Variants in PAN3 observed in about 807,000 individuals in gnomAD.
The protein encoded by PAN3 is PAN2-PAN3 deadenylation complex subunit PAN3.
Under a neutral mutation model 96.2 loss-of-function variants are expected in PAN3, and 19 were observed. That is an observed-to-expected ratio of 0.20 (90% confidence interval 0.14 to 0.29). The LOEUF is 0.29. Ranked by LOEUF, PAN3 falls within the 10% of genes least tolerant of loss-of-function variation. PAN3 has a pLI of 1.00. For missense variants in PAN3, 882 were observed against 1,108.1 expected, an observed-to-expected ratio of 0.80 and a Z score of 2.90; for synonymous variants, 433 against 406.6, an observed-to-expected ratio of 1.06 and a Z score of -0.78.
At chr13:28,195,382 C>T (rs953510112) in intron 4 of PAN3, among the ~76,000 whole-genome samples, 2 of 151,928 alleles carry the variant, frequency 1.3e-5, no homozygotes, top group African/African-American at 2.4e-5. Context: ...CCAGCCTGGG[C>T]GACAGAATGA....
intron 5 of PAN3, chr13:28,214,891 G>C: frequency 1.1e-6 from 1 of 905,890 alleles, no homozygotes; most frequent in Non-Finnish European, 1.8e-6. Context: ...ATTGAAGCTA[G>C]TAGCTCCAAG....
chr13:28,277,175 A>G, intron 14 of PAN3, 62 bp from the exon 15 acceptor site: 1 of 1,465,806 alleles, frequency 6.8e-7, no homozygotes, highest in Non-Finnish European at 9.3e-7. Flanking sequence ...CAGTAGTGTC[A>G]GTGTATTAAA....
chr13:28,151,349 A>G (rs1012051638), intron 1 of PAN3, among the ~76,000 whole-genome samples: 1 of 152,058 alleles, frequency 6.6e-6, no homozygotes, highest in Non-Finnish European at 1.5e-5. Context: ...CCCCATCTCT[A>G]CTAAAAATAC....
chr13:28,266,485 A>G (rs1436740763), intron 9 of PAN3, among the ~76,000 whole-genome samples: 1 of 152,220 alleles, frequency 6.6e-6, no homozygotes, highest in Non-Finnish European at 1.5e-5. Context: ...ATGTTTTTGA[A>G]TGTATGAACT....
intron 4 of PAN3, among the ~76,000 whole-genome samples, chr13:28,186,642 AC>A (rs1407861359): frequency 7.9e-5 from 12 of 152,230 alleles, no homozygotes; most frequent in African/African-American, 2.9e-4. Context: ...GAAAAAGTGT[AC>A]ACATACAAGT....
In PAN3 at chr13:28,293,762, C is replaced by G. The variant is rs1302248187; in HGVS notation, c.*1240C>G. On this transcript the variant is annotated 3_prime_UTR_variant, in exon 19 of 19. Coordinates refer to ENST00000380958, the MANE Select transcript of PAN3 (RefSeq NM_175854.8). ...CCAAACTTGGGTATTCATGGAATTT[C>G]TAGTAAATGAAATACCTATACTTTG... The G allele has an allele frequency of 1.3e-5, 2 of 152,500 alleles. No homozygotes were observed. Among genetic ancestry groups the G allele is most frequent in the South Asian group, 2.1e-4 (1 of 4,828 alleles). 9.4% of individuals were successfully genotyped at this position (152,500 alleles called of 1,614,324 possible). A position where few individuals can be genotyped will look rare whatever the true frequency, so the allele number is the denominator to read the frequency against.
chr13:28,176,700 TCTAA>T, intron 3 of PAN3, 141 bp downstream of exon 3: 1 of 822,338 alleles, frequency 1.2e-6, no homozygotes, highest in South Asian at 1.8e-5. Flanking sequence ...CCCACTCAGA[TCTAA>T]CTATTGAGAT....
chr13:28,228,267 G>C (rs979930825), intron 6 of PAN3, among the ~76,000 whole-genome samples: 4 of 152,070 alleles, frequency 2.6e-5, no homozygotes, highest in Non-Finnish European at 4.4e-5. Context: ...TTCTCAGCTT[G>C]ACCATGAAAT....
chr13:28,163,406 A>T (rs1397671122), intron 1 of PAN3, among the ~76,000 whole-genome samples: 5 of 152,138 alleles, frequency 3.3e-5, no homozygotes, highest in African/African-American at 1.2e-4. Flanking sequence ...CTTTCTAGAG[A>T]AGGGCAAATT....
intron 5 of PAN3, among the ~76,000 whole-genome samples, chr13:28,198,769 A>G (rs1239121562): frequency 6.6e-6 from 1 of 152,218 alleles, no homozygotes; most frequent in East Asian, 1.9e-4. Flanking sequence ...TACATACCAC[A>G]CACAGAAAAG....
At chr13:28,188,814 G>A (rs1175486425) in intron 4 of PAN3, among the ~76,000 whole-genome samples, 10 of 152,252 alleles carry the variant, frequency 6.6e-5, no homozygotes, top group Non-Finnish European at 5.9e-5. Context: ...TTTGGAGATG[G>A]TGCTGTTTTG....
chr13:28,269,312 T>G (rs1886420060), intron 12 of PAN3, among the ~76,000 whole-genome samples: 1 of 152,144 alleles, frequency 6.6e-6, no homozygotes, highest in South Asian at 2.1e-4. Context: ...GTTCACTGAT[T>G]AATATATTAA....
intron 12 of PAN3, 152 bp from the exon 13 acceptor site, chr13:28,270,549 C>G (rs1338662041): frequency 1.5e-6 from 1 of 683,124 alleles, no homozygotes; most frequent in Non-Finnish European, 2.2e-6. Flanking sequence ...ATAGACTAAA[C>G]TTAAATTACA....
intron 5 of PAN3, among the ~76,000 whole-genome samples, chr13:28,207,744 A>T (rs1281354889): frequency 6.6e-6 from 1 of 152,226 alleles, no homozygotes; most frequent in East Asian, 1.9e-4. Context: ...AACTTATCAC[A>T]TAAACTAATA....
intron 1 of PAN3, among the ~76,000 whole-genome samples, chr13:28,167,082 ATTTT>A (rs1158467405): frequency 8.5e-6 from 1 of 118,338 alleles, no homozygotes; most frequent in Admixed American, 8.6e-5. Flanking sequence ...TTTTATCTTA[ATTTT>A]TTTTTTTTTT....
chr13:28,271,023 A>G (rs190687543), intron 13 of PAN3, among the ~76,000 whole-genome samples, 157 bp downstream of exon 13: 59 of 152,350 alleles, frequency 3.9e-4, no homozygotes, highest in African/African-American at 1.3e-3. Flanking sequence ...TAAAGAAAAA[A>G]AAAAAGTTGA....
chr13:28,284,061 G>A (rs188401430), intron 17 of PAN3, among the ~76,000 whole-genome samples: 328 of 152,288 alleles, frequency 2.2e-3, no homozygotes, highest in African/African-American at 7.7e-3. Context: ...AATTGTGATT[G>A]CTAGGTCAGT....
At chr13:28,289,670 A>C (rs1205856966) in intron 18 of PAN3, among the ~76,000 whole-genome samples, 1 of 152,168 alleles carries the variant, frequency 6.6e-6, no homozygotes, top group Non-Finnish European at 1.5e-5. Context: ...TCACGAGGTC[A>C]GGAGATCGAG....
At chr13:28,171,457 C>G (rs1157850100) in intron 1 of PAN3, among the ~76,000 whole-genome samples, 1 of 152,212 alleles carries the variant, frequency 6.6e-6, no homozygotes, top group Non-Finnish European at 1.5e-5. Flanking sequence ...CTCTCCACTT[C>G]AGATACCAGT....
Sources: gnomAD v4.1 joint callset for allele counts (sites outside exome capture counted in the v4.1 genomes callset) on GRCh38, gnomAD v4.1.1 for gene constraint, MANE v1.5 for transcripts, NCBI Gene and HGNC (gene_info 2026-07-23, HGNC 2026-07-21) for gene names.